Variants in TBC1D9B observed in about 807,000 individuals in gnomAD.
TBC1D9B encodes the protein TBC1 domain family member 9B.
A neutral mutation model predicts 121.1 loss-of-function variants in TBC1D9B; 87 were observed. The ratio of observed to expected loss-of-function variants is 0.72; its 90% confidence interval spans 0.60 to 0.86. The LOEUF is 0.86. TBC1D9B is among the 40% of genes least tolerant of loss of function. TBC1D9B has a pLI of 0.00. For missense variants in TBC1D9B, 1,540 were observed against 1,628.6 expected (o/e 0.95, Z 0.94); for synonymous variants, 668 against 670.1 (o/e 1.00, Z 0.05).
Position 179,865,722 on chromosome 5 carries a change from G to T in TBC1D9B, c.2914+116C>A. 8.5e-7 allele frequency: 1 copy of T among 1,171,184 alleles called. No homozygotes were observed. The highest frequency in any genetic ancestry group is 1.2e-6 in the Non-Finnish European group (1 of 821,086). 72.5% of individuals were successfully genotyped at this position (1,171,184 alleles called of 1,614,324 possible). ...GAGGCCTGCTCCCTGATCGGGGGACGCATCCGCCATCTCCCGGGGTAGGGG... is the reference window on the plus strand; with the variant it reads ...GAGGCCTGCTCCCTGATCGGGGGACTCATCCGCCATCTCCCGGGGTAGGGG... On this transcript the variant is annotated intron_variant, in intron 19 of 20. Coordinates refer to ENST00000355235, the MANE Select transcript of TBC1D9B (RefSeq NM_015043.4). This position sits in a 1 kb window ranked among gnomAD's most constrained non-coding sequence, Gnocchi z 5.1.
At chr5:179,898,442 C>T (rs1459717082) in intron 3 of TBC1D9B, among the ~76,000 whole-genome samples, 2 of 151,576 alleles carry the variant, frequency 1.3e-5, no homozygotes, top group Admixed American at 1.3e-4. Flanking sequence ...CCTGAGCCAC[C>T]GCACCTGGCC....
chr5:179,895,655 C>G (rs965510312), intron 3 of TBC1D9B, among the ~76,000 whole-genome samples: 1 of 152,202 alleles, frequency 6.6e-6, no homozygotes, highest in Non-Finnish European at 1.5e-5. Flanking sequence ...GCCCTCAGCT[C>G]AAAATGTACA....
intron 18 of TBC1D9B, 195 bp from the exon 19 acceptor site, chr5:179,866,083 T>C: frequency 3.4e-6 from 2 of 592,814 alleles, no homozygotes; most frequent in Non-Finnish European, 5.9e-6. Context: ...CAAAAGGGCC[T>C]GAGCATTCCC....
chr5:179,894,748 A>G, intron 3 of TBC1D9B, 134 bp from the exon 4 acceptor site: 1 of 800,942 alleles, frequency 1.2e-6, no homozygotes, highest in Non-Finnish European at 2.0e-6. Context: ...GGGAACAGTC[A>G]GTGGCTCTTG....
intron 16 of TBC1D9B, 107 bp downstream of exon 16, chr5:179,870,147 GC>G: frequency 1.3e-6 from 2 of 1,519,974 alleles, no homozygotes; most frequent in Non-Finnish European, 8.9e-7. Flanking sequence ...GGCTCAAGCT[GC>G]CCCCTACTTG....
intron 3 of TBC1D9B, among the ~76,000 whole-genome samples, chr5:179,897,182 C>T (rs979825462): frequency 2.6e-5 from 4 of 152,220 alleles, no homozygotes; most frequent in Non-Finnish European, 5.9e-5. Context: ...GCTGGGATTA[C>T]AGGCATAAGC....
rs1472454991 is a variant in TBC1D9B, at chr5:179,874,597, G to A, written c.2186+305C>T. On this transcript the variant is annotated intron_variant, in intron 12 of 20. Transcript: ENST00000355235. The surrounding 1 kb of genome is among the most constrained non-coding windows in gnomAD (Gnocchi z 4.3). The stretch of plus-strand genomic sequence containing the variant: ...CAGCTGTGCCACCAACTGGAATTGT[G>A]GTCACTGGATCTTGGCTCTGGTTTG... Among the ~76,000 whole-genome samples, 2 of 152,170 alleles carry A rather than the reference G, an allele frequency of 1.3e-5. No individual in the cohort carries two copies. The highest frequency in any genetic ancestry group is 2.4e-5 in the African/African-American group (1 of 41,436).
chr5:179,871,548 C>A lies in TBC1D9B; in HGVS notation c.2416-18G>T, dbSNP rs1224277655. ...GCTCGGACCTAGAAGGAAGGAGAAA[C>A]AGGGTATATAGCTGGATCACAAGCT... On this transcript the variant is annotated intron_variant, in intron 14 of 20. Transcript: ENST00000355235. The A allele has an allele frequency of 1.9e-6, 3 of 1,611,198 alleles. No homozygotes were observed. Among genetic ancestry groups the A allele is most frequent in the African/African-American group, 1.3e-5 (1 of 74,890 alleles).
rs976712398 is a variant in TBC1D9B, at chr5:179,865,102, G to A, written c.3021+152C>T. The A allele has an allele frequency of 4.8e-5, 33 of 681,050 alleles. 1 individual carries two copies. Among genetic ancestry groups the A allele is most frequent in the Non-Finnish European group, 5.8e-5 (23 of 396,298 alleles). 42.2% of individuals were successfully genotyped at this position (681,050 alleles called of 1,614,324 possible). ...GGCCTCTTGTCTTTCTGGAATCATCGCTGACTGGCAACCAGGACTAACGGG... is the reference window on the plus strand; with the variant it reads ...GGCCTCTTGTCTTTCTGGAATCATCACTGACTGGCAACCAGGACTAACGGG... On this transcript the variant is annotated intron_variant, in intron 20 of 20. Transcript: ENST00000355235. This position sits in a 1 kb window ranked among gnomAD's most constrained non-coding sequence, Gnocchi z 5.1.
At chr5:179,894,846 T>G (rs1760977651) in intron 3 of TBC1D9B, among the ~76,000 whole-genome samples, 1 of 152,186 alleles carries the variant, frequency 6.6e-6, no homozygotes, top group Non-Finnish European at 1.5e-5. Context: ...ACTACTGTCA[T>G]CACCAGTTGT....
chr5:179,905,453 C>T (rs985189212), intron 1 of TBC1D9B, among the ~76,000 whole-genome samples: 1 of 152,200 alleles, frequency 6.6e-6, no homozygotes, highest in Non-Finnish European at 1.5e-5. Context: ...AAAATCATAA[C>T]TGAAGAAGTC....
chr5:179,894,635 A>C (rs1157194731), intron 3 of TBC1D9B, 21 bp from the exon 4 acceptor site: 1 of 1,612,664 alleles, frequency 6.2e-7, no homozygotes, highest in Non-Finnish European at 8.5e-7. Flanking sequence ...GCAAGAGGAC[A>C]AGGGCTTGCC....
At chr5:179,867,465 A>G in intron 18 of TBC1D9B, 1 of 1,558,886 alleles carries the variant, frequency 6.4e-7, no homozygotes, top group African/African-American at 1.4e-5. Flanking sequence ...CCAGGGCAGG[A>G]AAAGATCCAG....
chr5:179,891,011 G>C lies in TBC1D9B; in HGVS notation c.1044+368C>G, dbSNP rs1039793820. Reference sequence around the variant, plus strand: ...GCCTCTGAGAGTGACATATGGGACCGGTGCAGGAACACGGTCCTCTAAGCG... The same window carrying C: ...GCCTCTGAGAGTGACATATGGGACCCGTGCAGGAACACGGTCCTCTAAGCG... On this transcript the variant is annotated intron_variant, in intron 6 of 20. Coordinates refer to ENST00000355235, the MANE Select transcript of TBC1D9B (RefSeq NM_015043.4). This position sits in a 1 kb window ranked among gnomAD's most constrained non-coding sequence, Gnocchi z 4.3. 1.3e-5 allele frequency among the ~76,000 whole-genome samples: 2 copies of C among 152,210 alleles called. No homozygotes were observed. The highest frequency in any genetic ancestry group is 4.8e-5 in the African/African-American group (2 of 41,454).
chr5:179,904,754 G>T lies in TBC1D9B; in HGVS notation c.177C>A (p.Tyr59Ter). ...VLDSSARVAP[Y>*]RILHQTQDSQ... ...AGTCCTGGGTCTGGTGCAGGATGCG[G>T]TAAGGGGCCACGCGGGCACTGGAGT... Residue 59 changes from tyrosine to a stop codon, truncating the protein, a stop_gained, in exon 2 of 21, where the codon TAC (tyrosine) becomes TAA (stop). Coordinates refer to ENST00000355235, the MANE Select transcript of TBC1D9B (RefSeq NM_015043.4). LOFTEE classifies it high-confidence loss of function. This position sits in a 1 kb window ranked among gnomAD's most constrained non-coding sequence, Gnocchi z 4.2. The T allele has an allele frequency of 3.2e-6, 5 of 1,581,062 alleles. No homozygotes were observed. Among genetic ancestry groups the T allele is most frequent in the Non-Finnish European group, 4.3e-6 (5 of 1,163,834 alleles).
At chr5:179,873,080 T>C (rs1345679670) in intron 13 of TBC1D9B, 39 bp downstream of exon 13, 9 of 1,611,500 alleles carry the variant, frequency 5.6e-6, no homozygotes, top group Non-Finnish European at 6.8e-6. Context: ...ACATGCCAGA[T>C]GGAGCGGCCT....
rs1760880627 is a variant in TBC1D9B at position 179,891,975 on chromosome 5, G to A, written c.837-389C>T. Among the ~76,000 whole-genome samples, 1 of 152,202 alleles carries A rather than the reference G, an allele frequency of 6.6e-6. No homozygotes were observed. Among genetic ancestry groups the A allele is most frequent in the Non-Finnish European group, 1.5e-5 (1 of 68,024 alleles). ...GCCCCGGGCAGCTCTTCCACCCTGG[G>A]CAGGCCTAACCCCAGGTTTCACCTT... is the stretch of plus-strand genomic sequence containing the variant. On this transcript the variant is annotated intron_variant, in intron 5 of 20. Coordinates refer to ENST00000355235, the MANE Select transcript of TBC1D9B (RefSeq NM_015043.4). The surrounding 1 kb of genome is among the most constrained non-coding windows in gnomAD (Gnocchi z 4.3).
At position 179,890,406 on chromosome 5, in the gene TBC1D9B, T is replaced by TG. The variant is rs1203385579; in HGVS notation, c.1044+972dup. On this transcript the variant is annotated intron_variant, in intron 6 of 20. Coordinates refer to ENST00000355235, the MANE Select transcript of TBC1D9B (RefSeq NM_015043.4). This position sits in a 1 kb window ranked among gnomAD's most constrained non-coding sequence, Gnocchi z 5.0. ...CAGGTGTCAGGAAGACCCCTAGGCC[T>TG]GGGGGACAGGTCAGTACAGTGCCCC... is the stretch of plus-strand genomic sequence containing the variant. Among the ~76,000 whole-genome samples the TG allele has an allele frequency of 6.6e-6, 1 of 152,142 alleles. No individual in the cohort carries two copies. The highest frequency in any genetic ancestry group is 1.5e-5 in the Non-Finnish European group (1 of 68,014).
rs578126634 is a variant in TBC1D9B, at chr5:179,876,690, T to C, written c.1783-653A>G. On this transcript the variant is annotated intron_variant, in intron 10 of 20. Transcript: ENST00000355235. ...AGAATATAGCAAGTGTTGATGAGGA[T>C]GTGGAGAAATCGGAACCCTTGTGAA... Among the ~76,000 whole-genome samples, 4 of 152,280 alleles carry C rather than the reference T, an allele frequency of 2.6e-5. No homozygotes were observed. In the South Asian group the frequency reaches 8.3e-4, roughly 32 times the overall value.
Sources: allele counts gnomAD v4.1 joint callset (sites outside exome capture counted in the v4.1 genomes callset), GRCh38; gene constraint gnomAD v4.1.1; non-coding constraint Gnocchi (gnomAD v3.1); transcripts MANE v1.5; gene names NCBI Gene and HGNC (gene_info 2026-07-23, HGNC 2026-07-21).